Variants in TLN2 observed in about 807,000 individuals in gnomAD.
TLN2 encodes talin 2, also known as talin-2.
TLN2 carries 118 observed loss-of-function variants against 294.7 expected under a neutral mutation model. That is an observed-to-expected ratio of 0.40 (90% confidence interval 0.34 to 0.47). The LOEUF is 0.47. Among genes scored for constraint, TLN2 ranks in the 20% least tolerant of loss-of-function variants. The pLI, the probability that TLN2 is intolerant of heterozygous loss-of-function variation, is 0.84. For missense variants in TLN2, 3,083 were observed against 3,282.2 expected (o/e 0.94, Z 1.48); for synonymous variants, 1,431 against 1,304.5 (o/e 1.10, Z -2.09).
chr15:62,802,861 C>T (rs543616926), intron 50 of TLN2, among the ~76,000 whole-genome samples: 5 of 152,042 alleles, frequency 3.3e-5, no homozygotes, highest in East Asian at 1.9e-4. Context: ...GCCTGTTTGC[C>T]GTTTGTATGT....
intron 1 of TLN2, among the ~76,000 whole-genome samples, chr15:62,421,602 C>CTT (rs2034397588): frequency 6.6e-6 from 1 of 150,836 alleles, no homozygotes; most frequent in Admixed American, 6.6e-5. Context: ...TATGTTCTCA[C>CTT]TTATAAGTGG....
intron 3 of TLN2, among the ~76,000 whole-genome samples, chr15:62,625,048 G>A (rs1405889587): frequency 6.6e-6 from 1 of 152,164 alleles, no homozygotes; most frequent in Non-Finnish European, 1.5e-5. Flanking sequence ...AGGATGACTG[G>A]AGGATTCAGG....
At chr15:62,477,355 G>C (rs981250591) in intron 1 of TLN2, among the ~76,000 whole-genome samples, 1 of 152,206 alleles carries the variant, frequency 6.6e-6, no homozygotes, top group Non-Finnish European at 1.5e-5. Context: ...GTCCTGGAGT[G>C]TGACTCTTGC....
intron 32 of TLN2, among the ~76,000 whole-genome samples, chr15:62,742,987 G>A (rs866119082): frequency 2.6e-5 from 4 of 152,074 alleles, no homozygotes; most frequent in South Asian, 2.1e-4. Flanking sequence ...TGTGGGTGAC[G>A]CCCAGTGCTG....
intron 1 of TLN2, among the ~76,000 whole-genome samples, chr15:62,474,427 G>C (rs2037670967): frequency 6.6e-6 from 1 of 152,086 alleles, no homozygotes; most frequent in South Asian, 2.1e-4. Context: ...AGGATTGCTT[G>C]AGCCTGGGGG....
At chr15:62,596,795 A>G (rs888144970) in intron 2 of TLN2, among the ~76,000 whole-genome samples, 8 of 152,188 alleles carry the variant, frequency 5.3e-5, no homozygotes, top group Non-Finnish European at 4.4e-5. Flanking sequence ...TATTGCATGC[A>G]AATGGCTAAA....
chr15:62,823,599 A>G (rs1001314796), intron 54 of TLN2, among the ~76,000 whole-genome samples: 10 of 152,088 alleles, frequency 6.6e-5, no homozygotes, highest in African/African-American at 1.9e-4. Context: ...ATTTTGTCTA[A>G]AATGCTCTGC....
intron 3 of TLN2, among the ~76,000 whole-genome samples, chr15:62,630,245 A>G (rs1195826542): frequency 6.6e-6 from 1 of 152,222 alleles, no homozygotes; most frequent in African/African-American, 2.4e-5. Flanking sequence ...TTTAGGTATC[A>G]GAAGAGAGAT....
intron 1 of TLN2, among the ~76,000 whole-genome samples, chr15:62,499,497 T>C (rs2039192344): frequency 6.6e-6 from 1 of 152,194 alleles, no homozygotes; most frequent in South Asian, 2.1e-4. Context: ...ACCAAGCCTC[T>C]TTTAAGCAAA....
chr15:62,407,540 G>C (rs2033478294), intron 1 of TLN2, among the ~76,000 whole-genome samples: 1 of 152,088 alleles, frequency 6.6e-6, no homozygotes. Context: ...TAATTTAGAG[G>C]GGAAAAACCA....
chr15:62,475,876 G>A (rs566006611), intron 1 of TLN2, among the ~76,000 whole-genome samples: 1 of 152,332 alleles, frequency 6.6e-6, no homozygotes, highest in East Asian at 1.9e-4. Flanking sequence ...TTTAGAAACA[G>A]AGTTTTATTA....
intron 1 of TLN2, among the ~76,000 whole-genome samples, chr15:62,428,072 C>T (rs185144714): frequency 5.3e-5 from 8 of 152,150 alleles, no homozygotes; most frequent in African/African-American, 9.6e-5. Context: ...CATTGTGCCA[C>T]CACCCCCCCT....
At chr15:62,458,665 A>AG (rs1441899707) in intron 1 of TLN2, among the ~76,000 whole-genome samples, 2 of 150,346 alleles carry the variant, frequency 1.3e-5, no homozygotes, top group Admixed American at 6.6e-5. Context: ...GCTGCTTTGG[A>AG]GGCTGAGGTG....
chr15:62,584,517 C>T (rs979231682), intron 1 of TLN2, among the ~76,000 whole-genome samples: 1 of 152,224 alleles, frequency 6.6e-6, no homozygotes, highest in African/African-American at 2.4e-5. Context: ...TTTCCTTTGA[C>T]CCTGGCCCAA....
Position 62,838,904 on chromosome 15 carries a change from G to A in TLN2, c.7423G>A (p.Ala2475Thr). 1.2e-6 allele frequency: 2 copies of A among 1,611,982 alleles called. No individual in the cohort carries two copies. The highest frequency in any genetic ancestry group is 1.7e-6 in the Non-Finnish European group (2 of 1,180,020). ...AGCCTCAGACAATCTTGTCCGTGCAGCCCAGAAGGCAGCTTTTGGCAAAGC... is the reference window on the plus strand; with the variant it reads ...AGCCTCAGACAATCTTGTCCGTGCAACCCAGAAGGCAGCTTTTGGCAAAGC... ...KRASDNLVRA[A>T]QKAAFGKADD... The change falls in exon 58 of 59, where the codon GCC becomes ACC. Residue 2475 changes from alanine to threonine, a missense_variant. Ala to Thr is a moderately conservative substitution (Grantham distance 58, BLOSUM62 0). Coordinates refer to ENST00000636159, the MANE Select transcript of TLN2 (RefSeq NM_015059.3).
intron 48 of TLN2, among the ~76,000 whole-genome samples, chr15:62,799,699 A>T (rs568635750): frequency 1.3e-5 from 2 of 152,362 alleles, no homozygotes; most frequent in East Asian, 3.9e-4. Context: ...TGATAAAATA[A>T]TTCCACCTAC....
rs569300629 is a variant in TLN2 at position 62,763,492 on chromosome 15, A to G, written c.4962-71A>G. The G allele has an allele frequency of 1.3e-5, 20 of 1,520,192 alleles. 1 individual carries two copies. The South Asian group carries it at 1.5e-4, about 12-fold the overall frequency. The allele number at this position is 1,520,192 out of a possible 1,614,324, so 94.2% of individuals were successfully genotyped here. A position where few individuals can be genotyped will look rare whatever the true frequency, so the allele number is the denominator to read the frequency against. ...AGGAAGTGGACAGGGATCCTGGCCCACCAGTGCTGGAGCAGGCTGTGGGAC... is the reference window on the plus strand; with the variant it reads ...AGGAAGTGGACAGGGATCCTGGCCCGCCAGTGCTGGAGCAGGCTGTGGGAC... On this transcript the variant is annotated intron_variant, in intron 39 of 58. Coordinates refer to ENST00000636159, the MANE Select transcript of TLN2 (RefSeq NM_015059.3).
At chr15:62,458,603 A>G (rs2036616410) in intron 1 of TLN2, among the ~76,000 whole-genome samples, 1 of 82,002 alleles carries the variant, frequency 1.2e-5, no homozygotes, top group African/African-American at 3.9e-5. Flanking sequence ...TCGTCTCTAC[A>G]GAAAAAAAAA....
chr15:62,398,556 T>A (rs1411003695), intron 1 of TLN2, among the ~76,000 whole-genome samples: 2 of 152,142 alleles, frequency 1.3e-5, no homozygotes, highest in African/African-American at 4.8e-5. Flanking sequence ...CAGAGACTTG[T>A]TGAATGGTTT....
Sources: gnomAD v4.1 joint callset for allele counts (sites outside exome capture counted in the v4.1 genomes callset) on GRCh38, gnomAD v4.1.1 for gene constraint, MANE v1.5 for transcripts, NCBI Gene and HGNC (gene_info 2026-07-23, HGNC 2026-07-21) for gene names.